Variants in FOXP3 observed in about 807,000 individuals in gnomAD.
The protein encoded by FOXP3 is forkhead box P3.
In FOXP3, 5 loss-of-function variants were observed where a neutral mutation model predicts 31.2. The observed-to-expected ratio is 0.16, with a 90% CI of 0.08 to 0.34. The LOEUF is 0.34. FOXP3 is among the 10% of genes least tolerant of loss of function. The probability of loss-of-function intolerance (pLI) is 1.00; values close to 1 mark genes in which losing one functional copy is unlikely to be tolerated. For missense variants in FOXP3, 251 were observed against 363.0 expected (o/e 0.69, Z 2.51); for synonymous variants, 141 against 148.8 (o/e 0.95, Z 0.38).
intron 10 of FOXP3, 117 bp from the exon 11 acceptor site, chrX:49,251,882 G>T: frequency 9.6e-6 from 11 of 1,144,741 alleles, no homozygotes; most frequent in Non-Finnish European, 1.3e-5. Context: ...GGTAATCAGG[G>T]ACAGGACTAG....
Position 49,251,635 on chromosome X carries a change from C to T in FOXP3, c.1146+29G>A, listed in dbSNP as rs1602679523. 4 of 1,207,179 alleles carry T rather than the reference C, an allele frequency of 3.3e-6. 1 individual carries two copies. The Admixed American group carries it at 8.8e-5, about 26-fold the overall frequency. On this transcript the variant is annotated intron_variant, in intron 11 of 11. Transcript: ENST00000376207. ...AGCTGCGATGGCACTTGAGGCCATC[C>T]CAGTCACCGCCACCTCAGAGGAGCT...
chrX:49,252,066 G>C (rs2066036594), intron 10 of FOXP3, among the ~76,000 whole-genome samples: 1 of 109,379 alleles, frequency 9.1e-6, no homozygotes, highest in Admixed American at 9.8e-5. Context: ...GAAAGGTCTG[G>C]GATGGAGTTG....
rs781926250 is a variant in FOXP3, at chrX:49,252,728, G to A, written c.1044+398C>T. 5.5e-5 allele frequency among the ~76,000 whole-genome samples: 6 copies of A among 109,436 alleles called. No individual in the cohort carries two copies. In the East Asian group the frequency reaches 1.7e-3, roughly 31 times the overall value. Reference sequence around the variant, plus strand: ...ACGTTGGGGCCAGGGAAGGAGATGGGGTTGGGTTGGCATAAAGGCTGGGGA... The same window carrying A: ...ACGTTGGGGCCAGGGAAGGAGATGGAGTTGGGTTGGCATAAAGGCTGGGGA... On this transcript the variant is annotated intron_variant, in intron 10 of 11. Transcript: ENST00000376207.
intron 1 of FOXP3, among the ~76,000 whole-genome samples, chrX:49,261,874 C>T (rs2066112448): frequency 8.9e-6 from 1 of 111,922 alleles, no homozygotes; most frequent in South Asian, 3.8e-4. Flanking sequence ...TTCGGTGAGG[C>T]CCTGAGATCT....
chrX:49,261,350 G>T (rs1303241510), intron 1 of FOXP3, among the ~76,000 whole-genome samples: 3 of 112,638 alleles, frequency 2.7e-5, no homozygotes, highest in Non-Finnish European at 5.6e-5. Context: ...CTGGAACAAC[G>T]TTCCCAAATA....
At chrX:49,256,895 C>T (rs1442006881) in intron 5 of FOXP3, 30 bp downstream of exon 5, 16 of 1,206,877 alleles carry the variant, frequency 1.3e-5, no homozygotes, top group South Asian at 5.3e-5. Flanking sequence ...GATAGGAGGG[C>T]GAGGATCCTT....
At chrX:49,253,801 G>T in intron 9 of FOXP3, 116 bp downstream of exon 9, 1 of 910,540 alleles carries the variant, frequency 1.1e-6, no homozygotes, top group Non-Finnish European at 1.6e-6. Flanking sequence ...AGTGGCGGCA[G>T]CTGCAGTGGT....
At chrX:49,257,318 C>T (rs897537021) in intron 4 of FOXP3, 109 bp downstream of exon 4, 4 of 1,020,619 alleles carry the variant, frequency 3.9e-6, no homozygotes, top group Middle Eastern at 3.9e-4. Flanking sequence ...AGACCTGACA[C>T]CTTTGACCCC....
chrX:49,251,807 T>G (rs2066034283), intron 10 of FOXP3, 42 bp from the exon 11 acceptor site: 1 of 1,189,421 alleles, frequency 8.4e-7, no homozygotes, highest in Non-Finnish European at 1.1e-6. Flanking sequence ...TTCCCCAAAC[T>G]TGGGGTTTAG....
intron 9 of FOXP3, among the ~76,000 whole-genome samples, chrX:49,253,597 G>A (rs139835330): frequency 2.0e-4 from 22 of 112,059 alleles, no homozygotes; most frequent in African/African-American, 7.1e-4. Context: ...AGGTGCTCCT[G>A]GAATTACTTA....
intron 1 of FOXP3, among the ~76,000 whole-genome samples, chrX:49,263,268 T>C (rs1340022078): frequency 1.8e-5 from 2 of 110,931 alleles, no homozygotes; most frequent in African/African-American, 3.3e-5. Context: ...TTTTCTTACC[T>C]GTCATGTTGG....
chrX:49,257,626 C>T, intron 3 of FOXP3, 38 bp downstream of exon 3: 1 of 1,182,980 alleles, frequency 8.5e-7, no homozygotes, highest in Non-Finnish European at 1.1e-6. Context: ...ACAGTTCTCC[C>T]ACCTGCTCCC....
At chrX:49,252,985 G>T in intron 10 of FOXP3, 141 bp downstream of exon 10, 1 of 523,141 alleles carries the variant, frequency 1.9e-6, no homozygotes, top group Non-Finnish European at 3.2e-6. Flanking sequence ...TTTGAGGCAC[G>T]GCTTGGGGAT....
At chrX:49,257,164 G>A in intron 4 of FOXP3, 152 bp from the exon 5 acceptor site, 1 of 574,021 alleles carries the variant, frequency 1.7e-6, no homozygotes, top group Non-Finnish European at 2.7e-6. Flanking sequence ...CAGGCTTCTG[G>A]CAGAGAAGCT....
rs782329343 is a variant in FOXP3 at position 49,251,265 on chromosome X, G to A, written c.*69C>T. 1.4e-4 allele frequency: 165 copies of A among 1,138,427 alleles called. No homozygotes were observed. The highest frequency in any genetic ancestry group is 1.9e-4 in the Non-Finnish European group (162 of 841,677). 93.8% of individuals were successfully genotyped at this position (1,138,427 alleles called of 1,213,427 possible). A position where few individuals can be genotyped will look rare whatever the true frequency, so the allele number is the denominator to read the frequency against. ...GGCACATCCAGGGCCTATCATCCCT[G>A]CCCCCACCACCTCTGCCTCCCACCA... On this transcript the variant is annotated 3_prime_UTR_variant, in exon 12 of 12. Coordinates refer to ENST00000376207, the MANE Select transcript of FOXP3 (RefSeq NM_014009.4).
At chrX:49,251,962 G>A in intron 10 of FOXP3, 197 bp from the exon 11 acceptor site, 3 of 723,272 alleles carry the variant, frequency 4.1e-6, no homozygotes, top group Middle Eastern at 8.0e-4. Context: ...GGCAGGGTTA[G>A]ATGGGTGTGG....
intron 9 of FOXP3, 74 bp from the exon 10 acceptor site, chrX:49,253,276 G>A (rs1188588295): frequency 1.2e-5 from 11 of 911,455 alleles, no homozygotes; most frequent in African/African-American, 3.9e-5. Context: ...CCCCCTACAA[G>A]GTGAGTCTAC....
chrX:49,254,100 G>A lies in FOXP3; in HGVS notation c.817-33C>T, dbSNP rs185669781. On this transcript the variant is annotated intron_variant, in intron 8 of 11. Coordinates refer to ENST00000376207, the MANE Select transcript of FOXP3 (RefSeq NM_014009.4). ...AGGGGGAGAGGCTGGTGACCCAGAG[G>A]CTTAAACTTCCCACTTTTTACTTTC... The A allele has an allele frequency of 2.2e-5, 26 of 1,190,466 alleles. No homozygotes were observed. The East Asian group carries it at 7.2e-4, about 33-fold the overall frequency.
rs1483620960 is a variant in FOXP3 at position 49,250,584 on chromosome X, C to T, written c.*750G>A. ...AGTGAGGTGAGTGGCAGGGGAGACA[C>T]GGGGTATTTTTGGCAAGGCAGTGTG... On this transcript the variant is annotated 3_prime_UTR_variant, in exon 12 of 12. Coordinates refer to ENST00000376207, the MANE Select transcript of FOXP3 (RefSeq NM_014009.4). 3.5e-5 allele frequency: 13 copies of T among 372,843 alleles called. No homozygotes were observed. Among genetic ancestry groups the T allele is most frequent in the East Asian group, 5.5e-5 (1 of 18,051 alleles). 30.7% of individuals were successfully genotyped at this position (372,843 alleles called of 1,213,427 possible). A position where few individuals can be genotyped will look rare whatever the true frequency, so the allele number is the denominator to read the frequency against.
Sources: allele counts gnomAD v4.1 joint callset (sites outside exome capture counted in the v4.1 genomes callset), GRCh38; gene constraint gnomAD v4.1.1; transcripts MANE v1.5; gene names NCBI Gene and HGNC (gene_info 2026-07-23, HGNC 2026-07-21).